Variants in CHST12 observed in about 807,000 individuals in gnomAD.
CHST12 encodes the protein carbohydrate sulfotransferase 12.
Under a neutral mutation model 27.9 loss-of-function variants are expected in CHST12, and 23 were observed. That is an observed-to-expected ratio of 0.82 (90% confidence interval 0.59 to 1.17). The LOEUF (loss-of-function observed/expected upper bound fraction) is 1.17. Ranked by LOEUF, CHST12 falls within the 50% of genes most tolerant of loss-of-function variation. CHST12 has a pLI of 0.00. For missense variants in CHST12, 682 were observed against 603.0 expected (o/e 1.13, Z -1.37); for synonymous variants, 322 against 273.0 (o/e 1.18, Z -1.77).
chr7:2,434,122 C>CCGCCCGCCCGCT lies in CHST12; in HGVS notation c.*241_*242insCCGCCCGCTCGC. The CCGCCCGCCCGCT allele has an allele frequency of 2.9e-6, 1 of 346,208 alleles. No individual in the cohort carries two copies. Among genetic ancestry groups the CCGCCCGCCCGCT allele is most frequent in the Non-Finnish European group, 5.4e-6 (1 of 184,686 alleles). 21.4% of individuals were successfully genotyped at this position (346,208 alleles called of 1,614,324 possible). On this transcript the variant is annotated 3_prime_UTR_variant, in exon 2 of 2. Coordinates refer to ENST00000618655, the MANE Select transcript of CHST12 (RefSeq NM_018641.5). ...CCCCTCCGCCCGCCCACCCGCCCGC[C>CCGCCCGCCCGCT]CGCTCGCCCGCTCGCCCGCTCCTGT... is the stretch of plus-strand genomic sequence containing the variant.
At chr7:2,420,137 C>A (rs1233152360) in intron 1 of CHST12, among the ~76,000 whole-genome samples, 1 of 151,836 alleles carries the variant, frequency 6.6e-6, no homozygotes, top group Non-Finnish European at 1.5e-5. Flanking sequence ...GCATGCCCGG[C>A]TAATTTTTTG....
intron 1 of CHST12, among the ~76,000 whole-genome samples, chr7:2,424,676 T>G (rs1415366219): frequency 2.6e-5 from 4 of 152,208 alleles, no homozygotes; most frequent in African/African-American, 9.7e-5. Flanking sequence ...TTCACTGGGC[T>G]GACTGTGCTG....
intron 1 of CHST12, among the ~76,000 whole-genome samples, chr7:2,426,355 A>G (rs1782117678): frequency 6.6e-6 from 1 of 152,196 alleles, no homozygotes; most frequent in Non-Finnish European, 1.5e-5. Context: ...GCACGTGGTG[A>G]GCACAACCAG....
chr7:2,422,542 G>T (rs556620924), intron 1 of CHST12, among the ~76,000 whole-genome samples: 3 of 151,128 alleles, frequency 2.0e-5, no homozygotes, highest in Non-Finnish European at 3.0e-5. Flanking sequence ...ACTGCGCCCT[G>T]CCTCTTTTTT....
intron 1 of CHST12, among the ~76,000 whole-genome samples, chr7:2,415,012 A>G (rs776447577): frequency 6.6e-6 from 1 of 152,178 alleles, no homozygotes; most frequent in Non-Finnish European, 1.5e-5. Flanking sequence ...GACCACCACA[A>G]TCAAGTGAAT....
chr7:2,428,197 CT>C (rs113888480), intron 1 of CHST12, among the ~76,000 whole-genome samples: 24,941 of 131,180 alleles, frequency 0.19, 2,448 homozygotes, highest in African/African-American at 0.32. Context: ...TTCTCTCTCT[CT>C]TTTTTTTTTT....
chr7:2,405,676 A>C (rs994807779), intron 1 of CHST12, among the ~76,000 whole-genome samples: 3 of 152,048 alleles, frequency 2.0e-5, no homozygotes, highest in African/African-American at 7.2e-5. Flanking sequence ...GAGCTGAAAG[A>C]TGTTGCCAAA....
intron 1 of CHST12, among the ~76,000 whole-genome samples, chr7:2,404,622 C>T (rs1562506276): frequency 6.6e-6 from 1 of 152,186 alleles, no homozygotes; most frequent in African/African-American, 2.4e-5. Context: ...AGCCCCTCAC[C>T]GTGAGCATCT....
At chr7:2,416,549 T>G (rs1781813671) in intron 1 of CHST12, among the ~76,000 whole-genome samples, 1 of 152,222 alleles carries the variant, frequency 6.6e-6, no homozygotes, top group Non-Finnish European at 1.5e-5. Flanking sequence ...AAGTCAAAAT[T>G]ACTGCTTGAT....
chr7:2,415,227 G>A (rs1316859670), intron 1 of CHST12, among the ~76,000 whole-genome samples: 1 of 152,054 alleles, frequency 6.6e-6, no homozygotes, highest in Admixed American at 6.6e-5. Context: ...TTAGCCAGAT[G>A]TGGTGGTGGG....
intron 1 of CHST12, among the ~76,000 whole-genome samples, chr7:2,426,901 G>T (rs1782136859): frequency 6.6e-6 from 1 of 152,146 alleles, no homozygotes; most frequent in Non-Finnish European, 1.5e-5. Flanking sequence ...TGAGGCATGA[G>T]AATCACTTGA....
At chr7:2,406,948 A>G (rs1781542481) in intron 1 of CHST12, among the ~76,000 whole-genome samples, 2 of 152,100 alleles carry the variant, frequency 1.3e-5, no homozygotes, top group African/African-American at 4.8e-5. Context: ...GTGAGCGAAA[A>G]TATCGCGAAC....
intron 1 of CHST12, among the ~76,000 whole-genome samples, chr7:2,419,335 AGGTTG>A (rs1781901159): frequency 7.5e-6 from 1 of 133,760 alleles, no homozygotes; most frequent in Non-Finnish European, 1.5e-5. Flanking sequence ...TTGAGTGGGG[AGGTTG>A]CAGTGAGCCA....
At chr7:2,406,056 G>A (rs1781516286) in intron 1 of CHST12, among the ~76,000 whole-genome samples, 1 of 152,036 alleles carries the variant, frequency 6.6e-6, no homozygotes, top group Non-Finnish European at 1.5e-5. Flanking sequence ...GCCATCAGTG[G>A]GAAAAGACGG....
At chr7:2,408,094 G>T (rs1459924568) in intron 1 of CHST12, among the ~76,000 whole-genome samples, 1 of 152,034 alleles carries the variant, frequency 6.6e-6, no homozygotes, top group African/African-American at 2.4e-5. Context: ...CAGAGGCCAG[G>T]CGCTGTGGCT....
chr7:2,422,135 T>C (rs1450080260), intron 1 of CHST12, among the ~76,000 whole-genome samples: 3 of 152,232 alleles, frequency 2.0e-5, no homozygotes, highest in Admixed American at 2.0e-4. Context: ...GTCGGCGATG[T>C]GACTGACTCC....
intron 1 of CHST12, among the ~76,000 whole-genome samples, chr7:2,409,541 C>T (rs548741954): frequency 1.3e-5 from 2 of 151,682 alleles, no homozygotes; most frequent in African/African-American, 4.8e-5. Context: ...CACTTGAGCC[C>T]AGGAGGTGGA....
intron 1 of CHST12, among the ~76,000 whole-genome samples, chr7:2,405,446 A>T (rs1025720020): frequency 2.0e-5 from 3 of 152,130 alleles, no homozygotes; most frequent in Non-Finnish European, 2.9e-5. Flanking sequence ...AAAGACTGGA[A>T]AGATGGGTTT....
rs1782427845 is a variant in CHST12, at chr7:2,434,618, G to GAAAAAAAAAA, written c.*735_*736insAAAAAAAAAA. The stretch of plus-strand genomic sequence containing the variant: ...AAAAAAAAAAAAAAAAAAAAAAAAT[G>GAAAAAAAAAA]AGTCGGGTGTGGTGGTGTGCACCTG... On this transcript the variant is annotated 3_prime_UTR_variant, in exon 2 of 2. Coordinates refer to ENST00000618655, the MANE Select transcript of CHST12 (RefSeq NM_018641.5). 1 of 48,822 alleles carries GAAAAAAAAAA rather than the reference G, an allele frequency of 2.0e-5. No homozygotes were observed. The highest frequency in any genetic ancestry group is 5.6e-5 in the African/African-American group (1 of 17,928). 3.0% of individuals were successfully genotyped at this position (48,822 alleles called of 1,614,324 possible).
Sources: gnomAD v4.1 joint callset for allele counts (sites outside exome capture counted in the v4.1 genomes callset) on GRCh38, gnomAD v4.1.1 for gene constraint, MANE v1.5 for transcripts, NCBI Gene and HGNC (gene_info 2026-07-23, HGNC 2026-07-21) for gene names.